AQR: variants seen among roughly 807,000 people sequenced by gnomAD.
AQR encodes aquarius intron-binding spliceosomal factor.
AQR carries 61 observed loss-of-function variants against 180.5 expected under a neutral mutation model. The observed-to-expected ratio is 0.34, with a 90% CI of 0.28 to 0.42. The LOEUF (loss-of-function observed/expected upper bound fraction) is 0.42. Ranked by LOEUF, AQR falls within the 10% of genes least tolerant of loss-of-function variation. The probability of loss-of-function intolerance (pLI) is 1.00; values close to 1 mark genes in which losing one functional copy is unlikely to be tolerated. For synonymous variants in AQR, 551 were observed against 588.8 expected, an observed-to-expected ratio of 0.94 and a Z score of 0.93; for missense variants, 1,281 against 1,798.3, an observed-to-expected ratio of 0.71 and a Z score of 5.20.
intron 34 of AQR, among the ~76,000 whole-genome samples, chr15:34,857,575 C>T (rs1892605570): frequency 6.6e-6 from 1 of 152,060 alleles, no homozygotes; most frequent in Non-Finnish European, 1.5e-5. Context: ...CATGGTGAAA[C>T]CCCATCTCTA....
chr15:34,966,875 T>C (rs2050312098), intron 1 of AQR, among the ~76,000 whole-genome samples: 1 of 138,566 alleles, frequency 7.2e-6, no homozygotes, highest in East Asian at 2.1e-4. Context: ...TGGCCTTTTT[T>C]TTTTTTTTTT....
chr15:34,969,386 C>G (rs753061428), intron 1 of AQR, among the ~76,000 whole-genome samples, 153 bp downstream of exon 1: 2 of 152,144 alleles, frequency 1.3e-5, no homozygotes, highest in Non-Finnish European at 2.9e-5. Flanking sequence ...GTGGCCGGCA[C>G]GGAGCTGATA....
chr15:34,896,405 A>G (rs1893244212), intron 22 of AQR, among the ~76,000 whole-genome samples: 1 of 152,246 alleles, frequency 6.6e-6, no homozygotes, highest in South Asian at 2.1e-4. Context: ...AACTTTATGA[A>G]CACTGAAGCG....
At chr15:34,891,866 T>C (rs561468380) in intron 23 of AQR, among the ~76,000 whole-genome samples, 2 of 152,170 alleles carry the variant, frequency 1.3e-5, no homozygotes, top group Admixed American at 6.5e-5. Context: ...TAATATGTTA[T>C]TATATAATTA....
At chr15:34,952,977 T>G (rs73375055) in intron 3 of AQR, 57 bp from the exon 4 acceptor site, 1 of 1,033,792 alleles carries the variant, frequency 9.7e-7, no homozygotes, top group East Asian at 2.7e-5. Context: ...CGTTTCAGAG[T>G]TATTAACACA....
chr15:34,910,762 G>T (rs1398732608), intron 16 of AQR, among the ~76,000 whole-genome samples: 1 of 152,188 alleles, frequency 6.6e-6, no homozygotes, highest in Admixed American at 6.5e-5. Context: ...TGTATACACT[G>T]TGATATCATT....
chr15:34,943,294 T>A, intron 6 of AQR: 2 of 1,560,734 alleles, frequency 1.3e-6, no homozygotes, highest in Non-Finnish European at 1.8e-6. Flanking sequence ...CTTGAGTGCA[T>A]TGAGCCCAAC....
chr15:34,896,299 C>A (rs745951082), intron 22 of AQR, among the ~76,000 whole-genome samples: 1 of 152,076 alleles, frequency 6.6e-6, no homozygotes, highest in Non-Finnish European at 1.5e-5. Flanking sequence ...TGTATACAGT[C>A]ATCAAAACAT....
intron 9 of AQR, among the ~76,000 whole-genome samples, chr15:34,938,235 C>A (rs933148026): frequency 6.6e-6 from 1 of 152,034 alleles, no homozygotes; most frequent in Non-Finnish European, 1.5e-5. Flanking sequence ...ACACTGGTGC[C>A]TTTAAAATAA....
At chr15:34,946,760 G>C (rs1464780228) in intron 5 of AQR, among the ~76,000 whole-genome samples, 84 of 146,346 alleles carry the variant, frequency 5.7e-4, no homozygotes, top group Non-Finnish European at 1.1e-3. Context: ...GAGGGAGGTG[G>C]GGGGGTCAGC....
At chr15:34,893,179 T>C (rs1893176775) in intron 23 of AQR, among the ~76,000 whole-genome samples, 1 of 152,196 alleles carries the variant, frequency 6.6e-6, no homozygotes, top group African/African-American at 2.4e-5. Flanking sequence ...GGGTGCTACC[T>C]GCGTCAGTCA....
chr15:34,874,278 A>C (rs944043572), intron 29 of AQR: 14 of 327,076 alleles, frequency 4.3e-5, no homozygotes, highest in African/African-American at 3.0e-4. Context: ...AGGAAGACTA[A>C]AAATTGAGGA....
At chr15:34,933,656 A>C (rs1893900191) in intron 10 of AQR, among the ~76,000 whole-genome samples, 1 of 152,194 alleles carries the variant, frequency 6.6e-6, no homozygotes, top group Non-Finnish European at 1.5e-5. Flanking sequence ...TGCTGGACTC[A>C]TGTTTAATAA....
At chr15:34,944,082 A>G (rs1477805667) in intron 6 of AQR, among the ~76,000 whole-genome samples, 1 of 152,246 alleles carries the variant, frequency 6.6e-6, no homozygotes, top group African/African-American at 2.4e-5. Flanking sequence ...CAAATCTATT[A>G]AAAAGTGAAC....
intron 8 of AQR, among the ~76,000 whole-genome samples, chr15:34,939,839 A>G (rs76193884): frequency 0.017 from 2,585 of 152,336 alleles, 75 homozygotes; most frequent in African/African-American, 0.057. Context: ...TTTAATATTG[A>G]TAACAGTCCT....
At chr15:34,874,963 T>C in intron 28 of AQR, 99 bp from the exon 29 acceptor site, 9 of 1,139,106 alleles carry the variant, frequency 7.9e-6, no homozygotes, top group African/African-American at 1.6e-5. Flanking sequence ...AGCTTCCTTA[T>C]CTTACAAATT....
In AQR at chr15:34,897,599, T is replaced by A; in HGVS notation, c.2350A>T (p.Ile784Phe). 8 of 1,614,144 alleles carry A rather than the reference T, an allele frequency of 5.0e-6. No homozygotes were observed. The highest frequency in any genetic ancestry group is 6.8e-6 in the Non-Finnish European group (8 of 1,179,994). The part of the protein sequence containing the change: ...AKTLIVEPHV[I>F]PNRGPYPYNQ... ...TAAGGATAAGGACCCCTATTAGGAA[T>A]AACATGGGGCTCAACAATTAAGGTT... The change falls in exon 21 of 35, where the codon ATT (isoleucine) becomes TTT (phenylalanine). Residue 784 changes from isoleucine (I) to phenylalanine (F), a missense_variant. Ile to Phe is a conservative substitution (Grantham distance 21). Coordinates refer to ENST00000156471, the MANE Select transcript of AQR (RefSeq NM_014691.3).
chr15:34,920,604 T>C (rs1441937108), intron 13 of AQR, among the ~76,000 whole-genome samples, 170 bp from the exon 14 acceptor site: 2 of 152,170 alleles, frequency 1.3e-5, no homozygotes, highest in African/African-American at 4.8e-5. Context: ...TCTCAAAATA[T>C]TTTCTGCAAA....
intron 22 of AQR, among the ~76,000 whole-genome samples, chr15:34,895,830 AAAT>A (rs1338172922): frequency 2.0e-5 from 3 of 152,240 alleles, no homozygotes; most frequent in South Asian, 4.1e-4. Context: ...GAGAAAAATT[AAAT>A]AATAACATCA....
Sources: allele counts gnomAD v4.1 joint callset (sites outside exome capture counted in the v4.1 genomes callset), GRCh38; gene constraint gnomAD v4.1.1; transcripts MANE v1.5; gene names NCBI Gene and HGNC (gene_info 2026-07-23, HGNC 2026-07-21).